The following VPS13B variants were observed in gnomAD, a reference collection of about 807,000 sequenced individuals.
VPS13B encodes intermembrane lipid transfer protein VPS13B.
VPS13B carries 285 observed loss-of-function variants against 426.4 expected under a neutral mutation model. The observed-to-expected ratio is 0.67, with a 90% CI of 0.61 to 0.74. The LOEUF is 0.74. VPS13B is among the 30% of genes least tolerant of loss of function. The pLI is 0.00. For missense variants in VPS13B, 4,537 were observed against 4,782.6 expected (o/e 0.95, Z 1.51); for synonymous variants, 1,676 against 1,676.4 (o/e 1.00, Z 0.01).
chr8:99,791,377 C>A (rs1004283375), intron 43 of VPS13B, among the ~76,000 whole-genome samples: 1 of 152,080 alleles, frequency 6.6e-6, no homozygotes, highest in African/African-American at 2.4e-5. Context: ...GAGCCAGCTC[C>A]AGCACACCAC....
rs181089746 is a variant in VPS13B, at chr8:99,050,666, C to T, written c.291+12100C>T. 6.9e-3 allele frequency among the ~76,000 whole-genome samples: 1,047 copies of T among 152,276 alleles called. 8 individuals are homozygous for T. The highest frequency in any genetic ancestry group is 0.012 in the Non-Finnish European group (806 of 68,024). On this transcript the variant is annotated intron_variant, in intron 3 of 61. Transcript: ENST00000357162. ...GTCCCACCAACAGTGTAAAAGTGTT[C>T]CTGTTTCTCCACATCCTCTCCAGCA...
chr8:99,161,180 A>G (rs765305336), intron 15 of VPS13B, among the ~76,000 whole-genome samples: 26 of 152,198 alleles, frequency 1.7e-4, no homozygotes, highest in Non-Finnish European at 2.6e-4. Context: ...AGCTTTATTT[A>G]TTGTCACAAT....
chr8:99,853,366 A>G, intron 55 of VPS13B, 85 bp from the exon 56 acceptor site: 1 of 1,399,092 alleles, frequency 7.1e-7, no homozygotes. Context: ...GGAGGTATTT[A>G]ATAGGGTACT....
chr8:99,653,348 G>T (rs1366548821), intron 34 of VPS13B, among the ~76,000 whole-genome samples: 2 of 152,146 alleles, frequency 1.3e-5, no homozygotes, highest in Non-Finnish European at 2.9e-5. Context: ...AAATGAAAAT[G>T]GGGGGAATCA....
rs2133638000 is a variant in VPS13B, at chr8:99,511,439, T to C, written c.4560T>C (p.Pro1520=). ...ATACACTGACATCCCGCAATTTACC[T>C]TTGATTTATGTCAACACAAGTGTAA... ...RTHTLTSRNL[P]LIYVNTSVIR... Residue 1520 remains proline, a synonymous_variant, in exon 29 of 62, where the codon CCT becomes CCC. Transcript: ENST00000357162. The C allele has an allele frequency of 6.2e-7, 1 of 1,613,438 alleles. No homozygotes were observed. Among genetic ancestry groups the C allele is most frequent in the East Asian group, 2.2e-5 (1 of 44,838 alleles).
intron 17 of VPS13B, among the ~76,000 whole-genome samples, chr8:99,242,661 T>C (rs1243349718): frequency 6.6e-6 from 1 of 152,224 alleles, no homozygotes; most frequent in Non-Finnish European, 1.5e-5. Context: ...TATATCTAGA[T>C]ATATTGATTC....
At position 99,818,765 on chromosome 8, in the gene VPS13B, T is replaced by G. The variant is rs1231452283; in HGVS notation, c.8498T>G (p.Ile2833Ser). ...AGGAGTCATCTTCCAGACCCCATTATCATACATTTGGAGAAAAGGAGTCTG... is the reference window on the plus strand; with the variant it reads ...AGGAGTCATCTTCCAGACCCCATTAGCATACATTTGGAGAAAAGGAGTCTG... Reference protein sequence around the residue: ...IMRSHLPDPIIIHLEKRSLGL... With the variant: ...IMRSHLPDPISIHLEKRSLGL... The change falls in exon 47 of 62, where the codon ATC (isoleucine) becomes AGC (serine). Residue 2833 changes from isoleucine to serine, a missense_variant. Around this residue, in one of 2 missense-constraint regions of VPS13B, gnomAD observed 4,311 missense variants for 4,474.3 expected, o/e 0.96. Coordinates refer to ENST00000357162, the MANE Select transcript of VPS13B (RefSeq NM_152564.5). 9 of 1,613,932 alleles carry G rather than the reference T, an allele frequency of 5.6e-6. No homozygotes were observed. The highest frequency in any genetic ancestry group is 6.8e-6 in the Non-Finnish European group (8 of 1,179,964).
intron 33 of VPS13B, among the ~76,000 whole-genome samples, chr8:99,582,717 G>T (rs889021794): frequency 6.6e-6 from 1 of 151,892 alleles, no homozygotes; most frequent in African/African-American, 2.4e-5. Context: ...GTGCAGTGGC[G>T]CAATCTCGGC....
At chr8:99,462,728 G>A (rs780028737) in intron 23 of VPS13B, among the ~76,000 whole-genome samples, 1 of 152,146 alleles carries the variant, frequency 6.6e-6, no homozygotes, top group Non-Finnish European at 1.5e-5. Context: ...ATGAGGTGGG[G>A]CATTTAGGAG....
chr8:99,744,226 C>G (rs1809941623), intron 39 of VPS13B, among the ~76,000 whole-genome samples: 2 of 152,182 alleles, frequency 1.3e-5, no homozygotes, highest in Non-Finnish European at 2.9e-5. Flanking sequence ...AAATGCTCAT[C>G]ATCACTGGCC....
intron 39 of VPS13B, among the ~76,000 whole-genome samples, chr8:99,728,013 G>A (rs369198327): frequency 3.1e-4 from 47 of 152,318 alleles, no homozygotes; most frequent in African/African-American, 1.0e-3. Flanking sequence ...TCCCAGTGTA[G>A]TCTGTCTACA....
At chr8:99,148,034 T>A (rs772727939) in intron 14 of VPS13B, 24 bp downstream of exon 14, 9 of 1,608,062 alleles carry the variant, frequency 5.6e-6, no homozygotes, top group South Asian at 5.5e-5. Flanking sequence ...TTTGCTATAT[T>A]TTTTTTCCCT....
intron 35 of VPS13B, among the ~76,000 whole-genome samples, chr8:99,676,863 C>T (rs577110074): frequency 1.1e-3 from 165 of 152,204 alleles, no homozygotes; most frequent in African/African-American, 3.7e-3. Flanking sequence ...GGTGCAGAGG[C>T]TCACACCTGT....
intron 19 of VPS13B, among the ~76,000 whole-genome samples, chr8:99,335,515 G>A (rs1383367882): frequency 6.6e-6 from 1 of 151,878 alleles, no homozygotes; most frequent in African/African-American, 2.4e-5. Flanking sequence ...TTTGGCCAGG[G>A]CAATTAGGCA....
chr8:99,194,880 T>C (rs552303552), intron 17 of VPS13B, among the ~76,000 whole-genome samples: 21 of 152,298 alleles, frequency 1.4e-4, no homozygotes, highest in Non-Finnish European at 2.8e-4. Context: ...GGAGCCTTGC[T>C]CTGTTGCCAG....
At chr8:99,866,955 G>A (rs1480782333) in intron 58 of VPS13B, among the ~76,000 whole-genome samples, 1 of 152,210 alleles carries the variant, frequency 6.6e-6, no homozygotes, top group Non-Finnish European at 1.5e-5. Flanking sequence ...GCTCACTCTT[G>A]GCATTTCTGT....
intron 55 of VPS13B, among the ~76,000 whole-genome samples, chr8:99,851,125 C>T (rs112539331): frequency 0.031 from 4,679 of 152,212 alleles, 91 homozygotes; most frequent in Non-Finnish European, 0.041. Context: ...ACTAGTATAG[C>T]ACAAAATTTC....
intron 35 of VPS13B, among the ~76,000 whole-genome samples, chr8:99,684,446 G>A (rs1017510138): frequency 2.6e-5 from 4 of 152,160 alleles, no homozygotes; most frequent in Non-Finnish European, 4.4e-5. Context: ...CTTGAAGCCA[G>A]AAATAGAGGG....
intron 17 of VPS13B, among the ~76,000 whole-genome samples, chr8:99,231,974 C>T (rs1211466531): frequency 3.9e-5 from 6 of 152,120 alleles, no homozygotes; most frequent in African/African-American, 1.4e-4. Context: ...TTCCTGTTTT[C>T]TTCTTCCAAA....
Sources: allele counts gnomAD v4.1 joint callset (sites outside exome capture counted in the v4.1 genomes callset), GRCh38; gene constraint gnomAD v4.1.1; regional missense constraint gnomAD v4.1.1; transcripts MANE v1.5; gene names NCBI Gene and HGNC (gene_info 2026-07-23, HGNC 2026-07-21).